Variants in TTC23L observed in about 807,000 individuals in gnomAD.
TTC23L encodes the protein tetratricopeptide repeat protein 23-like.
TTC23L carries 42 observed loss-of-function variants against 48.1 expected under a neutral mutation model. The ratio of observed to expected loss-of-function variants is 0.87; its 90% confidence interval spans 0.68 to 1.13. The LOEUF is 1.13. TTC23L is among the 50% of genes most tolerant of loss of function. The pLI is 0.00. For synonymous variants in TTC23L, 159 were observed against 157.2 expected (o/e 1.01, Z -0.09); for missense variants, 391 against 421.0 (o/e 0.93, Z 0.62).
At position 34,849,677 on chromosome 5, in the gene TTC23L, C is replaced by T. The variant is rs372833374; in HGVS notation, c.256-508C>T. Among the ~76,000 whole-genome samples, 14 of 151,978 alleles carry T rather than the reference C, an allele frequency of 9.2e-5. 1 individual carries two copies. The highest frequency in any genetic ancestry group is 1.9e-4 in the African/African-American group (8 of 41,346). On this transcript the variant is annotated intron_variant, in intron 3 of 10. Coordinates refer to ENST00000505624, the Ensembl canonical transcript of TTC23L. ...AGTCCATATCTTTTAGAGGTATTTA[C>T]GAAATGTTAACAGAGGCAACAATGG...
rs533133358 is a variant in TTC23L, at chr5:34,871,411, A to T, written c.949+2398A>T. Among the ~76,000 whole-genome samples the T allele has an allele frequency of 7.9e-5, 12 of 152,326 alleles. No homozygotes were observed. In the South Asian group the frequency reaches 2.5e-3, roughly 32 times the overall value. On this transcript the variant is annotated intron_variant, in intron 8 of 10. Coordinates refer to ENST00000505624, the Ensembl canonical transcript of TTC23L. Reference sequence around the variant, plus strand: ...ACAAAACTGATGAAAGAAATTAAATATGACCTAAATAAATACACATACTAT... The same window carrying T: ...ACAAAACTGATGAAAGAAATTAAATTTGACCTAAATAAATACACATACTAT...
At chr5:34,860,762 A>G (rs1326485988) in intron 4 of TTC23L, 1 of 152,160 alleles carries the variant, frequency 6.6e-6, no homozygotes, top group Non-Finnish European at 1.5e-5. Context: ...TGAAAGGTGT[A>G]TATAGGGATA....
rs200159890 is a variant in TTC23L, at chr5:34,864,583, A to G, written c.662+21A>G. 1.3e-4 allele frequency: 212 copies of G among 1,600,600 alleles called. 1 individual carries two copies. In the East Asian group the frequency reaches 4.6e-3, roughly 35 times the overall value. On this transcript the variant is annotated intron_variant, in intron 6 of 10. Transcript: ENST00000505624. The stretch of plus-strand genomic sequence containing the variant: ...GGCAGGTAAGATCTGGGCTTGGAGA[A>G]GCTGAGGCTTTTATGAATGAGGCTT...
At chr5:34,855,088 G>A (rs985254921) in intron 4 of TTC23L, among the ~76,000 whole-genome samples, 60 of 152,162 alleles carry the variant, frequency 3.9e-4, no homozygotes, top group African/African-American at 1.3e-3. Context: ...AAAGTGCCAC[G>A]TCTGTGGAGA....
In TTC23L at chr5:34,863,096, A is replaced by G. The variant is rs1377115372; in HGVS notation, c.536+42A>G. ...AGCTGCGTTTAGTGTTCGGGGCCAC[A>G]GGCCACACATGCCAGATGGGTCATC... On this transcript the variant is annotated intron_variant, in intron 5 of 10. Coordinates refer to ENST00000505624, the Ensembl canonical transcript of TTC23L. The surrounding 1 kb of genome is among the most constrained non-coding windows in gnomAD (Gnocchi z 4.1). The G allele has an allele frequency of 3.1e-6, 5 of 1,610,334 alleles. No individual in the cohort carries two copies. The highest frequency in any genetic ancestry group is 1.3e-5 in the African/African-American group (1 of 74,826).
intron 2 of TTC23L, among the ~76,000 whole-genome samples, chr5:34,844,319 ATAAGT>A (rs2307656): frequency 0.5 from 76,121 of 151,114 alleles, 19,361 homozygotes; most frequent in African/African-American, 0.57. Flanking sequence ...GTGCCTCTTG[ATAAGT>A]TAATTAGAAT....
chr5:34,915,734 G>T, the TTC23L span: 2 of 1,597,568 alleles, frequency 1.3e-6, no homozygotes, highest in South Asian at 2.2e-5. Context: ...GGGCGGCGAG[G>T]CAAGATGGCG....
At chr5:34,881,152 T>C (rs1762200416) in intron 9 of TTC23L, among the ~76,000 whole-genome samples, 2 of 152,222 alleles carry the variant, frequency 1.3e-5, no homozygotes, top group Non-Finnish European at 2.9e-5. Flanking sequence ...CATGAGATCC[T>C]TCAAATCCAG....
chr5:34,923,342 C>G, the TTC23L span: 3 of 839,822 alleles, frequency 3.6e-6, no homozygotes, highest in Non-Finnish European at 5.8e-6. Flanking sequence ...TGCAGTGGCA[C>G]AATCTTGGCT....
chr5:34,911,514 T>C, the TTC23L span: 3 of 1,605,036 alleles, frequency 1.9e-6, no homozygotes, highest in Non-Finnish European at 2.6e-6. Flanking sequence ...GAAGATGGAG[T>C]ACAGACCACA....
chr5:34,913,972 A>G, the TTC23L span: 3 of 457,080 alleles, frequency 6.6e-6, no homozygotes, highest in Admixed American at 7.0e-5. Context: ...TTCGTGCTTC[A>G]GCCTCGGTCT....
the TTC23L span, chr5:34,922,941 GCAAA>G: frequency 1.1e-5 from 14 of 1,294,224 alleles, no homozygotes; most frequent in Non-Finnish European, 1.2e-5. Flanking sequence ...AAACAAATGA[GCAAA>G]CAGTTTTAAA....
At chr5:34,923,060 C>G in the TTC23L span, 1 of 1,562,674 alleles carries the variant, frequency 6.4e-7, no homozygotes. Context: ...AGGTAAATAT[C>G]TTTAAAATTA....
chr5:34,913,822 T>C, the TTC23L span: 2 of 529,182 alleles, frequency 3.8e-6, no homozygotes, highest in Non-Finnish European at 7.1e-6. Flanking sequence ...TCACTACTGC[T>C]AAGGTCACTT....
intron 8 of TTC23L, among the ~76,000 whole-genome samples, 199 bp from the exon 9 acceptor site, chr5:34,879,982 G>A (rs1178918676): frequency 6.6e-6 from 1 of 151,996 alleles, no homozygotes; most frequent in East Asian, 1.9e-4. Context: ...GCAACAGAGT[G>A]ATACTCTATC....
At chr5:34,911,805 TA>T in the TTC23L span, 1 of 1,614,098 alleles carries the variant, frequency 6.2e-7, no homozygotes, top group South Asian at 1.1e-5. Flanking sequence ...GAAGTGCAGT[TA>T]AAGTCCCTGC....
the TTC23L span, chr5:34,906,338 A>G: frequency 6.6e-6 from 1 of 152,116 alleles, no homozygotes; most frequent in Non-Finnish European, 1.5e-5. Context: ...TTTAGATTCA[A>G]CTTTTAAAAA....
At chr5:34,885,093 A>G (rs1217384763) in intron 9 of TTC23L, among the ~76,000 whole-genome samples, 3 of 152,230 alleles carry the variant, frequency 2.0e-5, no homozygotes, top group Admixed American at 6.5e-5. Context: ...CCTTTGTCCT[A>G]TGAATAATTT....
At chr5:34,911,652 A>T in the TTC23L span, 1 of 1,614,130 alleles carries the variant, frequency 6.2e-7, no homozygotes, top group South Asian at 1.1e-5. Context: ...ACTGCAGAAT[A>T]ATTTTATTAA....
Sources: allele counts gnomAD v4.1 joint callset (sites outside exome capture counted in the v4.1 genomes callset), GRCh38; gene constraint gnomAD v4.1.1; non-coding constraint Gnocchi (gnomAD v3.1); transcripts MANE v1.5; gene names NCBI Gene and HGNC (gene_info 2026-07-23, HGNC 2026-07-21).